PLEKHA2: variants seen among roughly 807,000 people sequenced by gnomAD.
The protein encoded by PLEKHA2 is pleckstrin homology domain-containing family A member 2.
In PLEKHA2, 28 loss-of-function variants were observed where a neutral mutation model predicts 53.2. The ratio of observed to expected loss-of-function variants is 0.53; its 90% confidence interval spans 0.39 to 0.72. The LOEUF (loss-of-function observed/expected upper bound fraction) is 0.72, where lower values mean the gene tolerates loss of function less well. Among genes scored for constraint, PLEKHA2 ranks in the 30% least tolerant of loss-of-function variants. The pLI, the probability that PLEKHA2 is intolerant of heterozygous loss-of-function variation, is 0.00. For synonymous variants in PLEKHA2, 193 were observed against 196.4 expected, an observed-to-expected ratio of 0.98 and a Z score of 0.14; for missense variants, 426 against 537.9, an observed-to-expected ratio of 0.79 and a Z score of 2.06.
intron 1 of PLEKHA2, among the ~76,000 whole-genome samples, chr8:38,911,520 A>G (rs977779516): frequency 1.3e-5 from 2 of 152,044 alleles, no homozygotes; most frequent in African/African-American, 4.8e-5. Context: ...TACAGGTGTG[A>G]GCCACCGTGC....
chr8:38,927,928 T>C (rs1171071745), intron 2 of PLEKHA2, among the ~76,000 whole-genome samples: 2 of 151,650 alleles, frequency 1.3e-5, no homozygotes, highest in Non-Finnish European at 2.9e-5. Context: ...CTGATATGCC[T>C]GAGGTGGTGG....
intron 4 of PLEKHA2, 70 bp from the exon 5 acceptor site, chr8:38,946,054 G>T: frequency 7.9e-7 from 1 of 1,264,318 alleles, no homozygotes; most frequent in Admixed American, 2.0e-5. Flanking sequence ...CCTTAGCTTT[G>T]TGGAGACTTG....
At chr8:38,920,252 G>A (rs1386198248) in intron 2 of PLEKHA2, among the ~76,000 whole-genome samples, 5 of 152,020 alleles carry the variant, frequency 3.3e-5, no homozygotes, top group South Asian at 2.1e-4. Context: ...CCGGGTTCAC[G>A]CCATTCTCCT....
chr8:38,901,981 C>T (rs968201822), intron 1 of PLEKHA2: 3 of 152,236 alleles, frequency 2.0e-5, no homozygotes, highest in Admixed American at 6.5e-5. Context: ...GAAGGCTCCC[C>T]TAGGGACTCC....
intron 10 of PLEKHA2, among the ~76,000 whole-genome samples, chr8:38,965,474 C>A (rs1049151323): frequency 6.6e-6 from 1 of 152,160 alleles, no homozygotes; most frequent in African/African-American, 2.4e-5. Context: ...AATGTCAGAT[C>A]TCCTATGTGA....
intron 4 of PLEKHA2, among the ~76,000 whole-genome samples, chr8:38,944,430 T>A (rs1249978444): frequency 2.0e-5 from 3 of 151,298 alleles, no homozygotes; most frequent in Non-Finnish European, 4.4e-5. Context: ...GGCAGGAGAA[T>A]CTCTTGAACC....
intron 2 of PLEKHA2, among the ~76,000 whole-genome samples, chr8:38,931,965 C>A (rs1046818784): frequency 1.3e-5 from 2 of 152,090 alleles, no homozygotes; most frequent in African/African-American, 4.8e-5. Flanking sequence ...GAAGCTTGAG[C>A]GCGGGCTTTT....
intron 2 of PLEKHA2, among the ~76,000 whole-genome samples, chr8:38,921,699 T>C (rs190557473): frequency 4.5e-4 from 68 of 152,346 alleles, no homozygotes; most frequent in Non-Finnish European, 5.3e-4. Context: ...AGAACCTTCT[T>C]CAAGTTTGAA....
chr8:38,966,742 A>C (rs960190435), intron 10 of PLEKHA2, among the ~76,000 whole-genome samples: 1 of 152,118 alleles, frequency 6.6e-6, no homozygotes, highest in Non-Finnish European at 1.5e-5. Context: ...TGCGAGTCCC[A>C]CAACTCTTTA....
chr8:38,967,972 A>G (rs542852639), intron 10 of PLEKHA2, among the ~76,000 whole-genome samples: 1 of 152,062 alleles, frequency 6.6e-6, no homozygotes, highest in South Asian at 2.1e-4. Flanking sequence ...ACACTTTTTA[A>G]TGGGATGATT....
rs1835298960 is a variant in PLEKHA2 at position 38,973,889 on chromosome 8, A to G, written c.*4106A>G. On this transcript the variant is annotated 3_prime_UTR_variant, in exon 12 of 12. Coordinates refer to ENST00000617275, the MANE Select transcript of PLEKHA2 (RefSeq NM_021623.2). ...AAACTGTTTTGTGGCTTGTTTTGTA[A>G]TAAAACCATGTGAAATACTGAAATA... The G allele has an allele frequency of 3.6e-6, 1 of 280,810 alleles. No homozygotes were observed. Among genetic ancestry groups the G allele is most frequent in the Non-Finnish European group, 6.7e-6 (1 of 150,140 alleles). The allele number at this position is 280,810 out of a possible 1,614,324, so 17.4% of individuals were successfully genotyped here. A position where few individuals can be genotyped will look rare whatever the true frequency, so the allele number is the denominator to read the frequency against.
chr8:38,968,130 A>G (rs1384883536), intron 10 of PLEKHA2, among the ~76,000 whole-genome samples: 1 of 152,152 alleles, frequency 6.6e-6, no homozygotes, highest in Non-Finnish European at 1.5e-5. Context: ...ATAGGGCTGG[A>G]ATTGAAAGTG....
chr8:38,910,217 G>A (rs1437228018), intron 1 of PLEKHA2, among the ~76,000 whole-genome samples: 2 of 152,078 alleles, frequency 1.3e-5, no homozygotes, highest in African/African-American at 4.8e-5. Context: ...TTGGCCTCCC[G>A]AAGTGCTGGG....
chr8:38,965,718 G>A (rs1301319743), intron 10 of PLEKHA2, among the ~76,000 whole-genome samples: 1 of 152,136 alleles, frequency 6.6e-6, no homozygotes, highest in African/African-American at 2.4e-5. Flanking sequence ...ACTGAGAAAA[G>A]GTCTTCTTAT....
intron 3 of PLEKHA2, among the ~76,000 whole-genome samples, chr8:38,942,910 G>A (rs576505006): frequency 1.3e-5 from 2 of 152,300 alleles, no homozygotes; most frequent in East Asian, 3.9e-4. Flanking sequence ...GATTCCATCA[G>A]CCCCTCTCTG....
chr8:38,968,856 G>A, intron 11 of PLEKHA2, 187 bp downstream of exon 11: 1 of 556,408 alleles, frequency 1.8e-6, no homozygotes, highest in Non-Finnish European at 3.2e-6. Context: ...CTGTTTGGTT[G>A]TGGGAGGAGG....
intron 7 of PLEKHA2, 59 bp from the exon 8 acceptor site, chr8:38,952,577 A>G (rs1588269941): frequency 1.3e-6 from 2 of 1,535,756 alleles, no homozygotes; most frequent in South Asian, 1.1e-5. Context: ...GCATGAGTAC[A>G]CCCTCCACAA....
At chr8:38,910,296 C>T (rs182145044) in intron 1 of PLEKHA2, among the ~76,000 whole-genome samples, 36 of 151,976 alleles carry the variant, frequency 2.4e-4, no homozygotes, top group South Asian at 4.2e-4. Flanking sequence ...TATGAGGCTA[C>T]GTCTTGGTTT....
chr8:38,936,675 G>A (rs1268887559), intron 3 of PLEKHA2, among the ~76,000 whole-genome samples: 1 of 152,236 alleles, frequency 6.6e-6, no homozygotes, highest in African/African-American at 2.4e-5. Flanking sequence ...GCTGAGAGCT[G>A]GGGTGGGGAC....
Sources: gnomAD v4.1 joint callset for allele counts (sites outside exome capture counted in the v4.1 genomes callset) on GRCh38, gnomAD v4.1.1 for gene constraint, MANE v1.5 for transcripts, NCBI Gene and HGNC (gene_info 2026-07-23, HGNC 2026-07-21) for gene names.